Variants in ASCC3 observed in about 807,000 individuals in gnomAD.
ASCC3 encodes activating signal cointegrator 1 complex subunit 3.
A neutral mutation model predicts 256.3 loss-of-function variants in ASCC3; 158 were observed. That is an observed-to-expected ratio of 0.62 (90% CI 0.54 to 0.70). ASCC3 has a LOEUF of 0.70. ASCC3 is among the 30% of genes least tolerant of loss of function. The probability of loss-of-function intolerance (pLI) is 0.00; values close to 1 mark genes in which losing one functional copy is unlikely to be tolerated. For missense variants in ASCC3, 2,259 were observed against 2,626.0 expected (o/e 0.86, Z 3.05); for synonymous variants, 948 against 883.4 (o/e 1.07, Z -1.30).
intron 30 of ASCC3, among the ~76,000 whole-genome samples, chr6:100,624,772 T>C (rs1358014860): frequency 6.6e-6 from 1 of 152,000 alleles, no homozygotes; most frequent in Non-Finnish European, 1.5e-5. Context: ...AAAATTCTAA[T>C]TTAAAATTTT....
chr6:100,557,485 A>G (rs1769657971), intron 36 of ASCC3, among the ~76,000 whole-genome samples: 2 of 152,150 alleles, frequency 1.3e-5, no homozygotes, highest in African/African-American at 4.8e-5. Flanking sequence ...ACTCATTATA[A>G]TAAAACGTTT....
intron 10 of ASCC3, among the ~76,000 whole-genome samples, chr6:100,761,994 C>T (rs1237558281): frequency 1.3e-5 from 2 of 152,074 alleles, no homozygotes; most frequent in African/African-American, 4.8e-5. Context: ...TAGATCAGAG[C>T]AGTGTGACAT....
At chr6:100,700,447 TG>T (rs992514971) in intron 13 of ASCC3, among the ~76,000 whole-genome samples, 21 of 152,162 alleles carry the variant, frequency 1.4e-4, no homozygotes, top group African/African-American at 5.1e-4. Context: ...GAGTCCCTAC[TG>T]GGGCACCACC....
intron 11 of ASCC3, among the ~76,000 whole-genome samples, chr6:100,724,838 G>A (rs552649566): frequency 3.3e-5 from 5 of 151,974 alleles, no homozygotes; most frequent in Non-Finnish European, 7.4e-5. Flanking sequence ...GGACACAGAC[G>A]AAAAGCTGCT....
At chr6:100,764,431 G>A (rs1369079872) in intron 10 of ASCC3, among the ~76,000 whole-genome samples, 1 of 152,142 alleles carries the variant, frequency 6.6e-6, no homozygotes, top group East Asian at 1.9e-4. Flanking sequence ...TATTATTTGA[G>A]CAATGCTATT....
intron 4 of ASCC3, among the ~76,000 whole-genome samples, chr6:100,833,184 TAAGAA>T (rs2114463700): frequency 6.6e-6 from 1 of 152,114 alleles, no homozygotes; most frequent in African/African-American, 2.4e-5. Context: ...TGCGTAATGC[TAAGAA>T]AAGAAACCAA....
intron 13 of ASCC3, among the ~76,000 whole-genome samples, chr6:100,686,970 A>T (rs540163068): frequency 7.6e-4 from 114 of 150,904 alleles, no homozygotes; most frequent in South Asian, 8.3e-4. Context: ...TACTTTTGGT[A>T]TCTCTTCAAT....
intron 2 of ASCC3, among the ~76,000 whole-genome samples, chr6:100,866,469 T>C (rs1419729996): frequency 6.6e-6 from 1 of 152,226 alleles, no homozygotes; most frequent in Non-Finnish European, 1.5e-5. Flanking sequence ...CATCTACTAA[T>C]TGATCAGAAT....
At position 100,550,913 on chromosome 6, in the gene ASCC3, TTTTCTAAGTTTAATAAG is replaced by T. The variant is rs1012977913; in HGVS notation, c.5551-10543_5551-10527del. On this transcript the variant is annotated intron_variant, in intron 36 of 41. Coordinates refer to ENST00000369162, the MANE Select transcript of ASCC3 (RefSeq NM_006828.4). ...AAAGAATGCTCTGCAGTAGAGATAT[TTTTCTAAGTTTAATAAG>T]TTTCTAAGTTTAATAAGTTTCATAA... is the stretch of plus-strand genomic sequence containing the variant. Among the ~76,000 whole-genome samples, 13 of 151,942 alleles carry T rather than the reference TTTTCTAAGTTTAATAAG, an allele frequency of 8.6e-5. No homozygotes were observed. In the East Asian group the frequency reaches 1.2e-3, roughly 13 times the overall value.
intron 30 of ASCC3, among the ~76,000 whole-genome samples, chr6:100,613,765 T>C (rs1048650400): frequency 6.6e-6 from 1 of 152,168 alleles, no homozygotes; most frequent in Non-Finnish European, 1.5e-5. Flanking sequence ...CTATTTTCCA[T>C]AGAGGTTGTT....
At chr6:100,566,609 G>A (rs1770263600) in intron 36 of ASCC3, among the ~76,000 whole-genome samples, 1 of 152,042 alleles carries the variant, frequency 6.6e-6, no homozygotes. Flanking sequence ...TATTACAATG[G>A]ATAAATTGTC....
chr6:100,842,701 T>A (rs1182819104), intron 4 of ASCC3, among the ~76,000 whole-genome samples: 1 of 152,210 alleles, frequency 6.6e-6, no homozygotes, highest in Non-Finnish European at 1.5e-5. Context: ...CTGGGTGCAG[T>A]GGCTCATGCC....
At chr6:100,604,040 C>T (rs946044699) in intron 33 of ASCC3, among the ~76,000 whole-genome samples, 8 of 151,980 alleles carry the variant, frequency 5.3e-5, no homozygotes, top group Admixed American at 3.9e-4. Flanking sequence ...GAAGAATTCA[C>T]CATTGAAGCT....
intron 10 of ASCC3, among the ~76,000 whole-genome samples, chr6:100,748,830 G>A (rs1780803671): frequency 6.6e-6 from 1 of 151,934 alleles, no homozygotes; most frequent in Admixed American, 6.6e-5. Context: ...TCTACCTGGA[G>A]CGCCAAGAAG....
chr6:100,523,382 T>C (rs1774402489), intron 37 of ASCC3, among the ~76,000 whole-genome samples: 1 of 152,142 alleles, frequency 6.6e-6, no homozygotes. Context: ...AGGTGGACTG[T>C]AATATCCTTG....
chr6:100,727,921 G>A (rs1779716576), intron 10 of ASCC3, among the ~76,000 whole-genome samples: 1 of 152,034 alleles, frequency 6.6e-6, no homozygotes, highest in African/African-American at 2.4e-5. Flanking sequence ...TTACACATTT[G>A]CCAAAACACA....
chr6:100,795,239 C>A (rs1214823244), intron 8 of ASCC3, among the ~76,000 whole-genome samples: 2 of 151,130 alleles, frequency 1.3e-5, no homozygotes, highest in African/African-American at 4.9e-5. Flanking sequence ...TATGGGGAAA[C>A]GGTCATGTTT....
In ASCC3 at chr6:100,642,634, C is replaced by T. The variant is rs1205033709; in HGVS notation, c.3848G>A (p.Cys1283Tyr). 3 of 1,613,852 alleles carry T rather than the reference C, an allele frequency of 1.9e-6. No homozygotes were observed. Among genetic ancestry groups the T allele is most frequent in the Non-Finnish European group, 2.5e-6 (3 of 1,179,916 alleles). ...SDRWLGAEAVCIINFQHLILP... is the reference protein window; with the variant it reads ...SDRWLGAEAVYIINFQHLILP... ...AATTAGATGTTGAAAGTTGATAATA[C>T]ATACTGCCTCAGCACCCAACCATCT... Residue 1283 changes from cysteine to tyrosine, a missense_variant, in exon 24 of 42, where the codon TGT (cysteine) becomes TAT (tyrosine). This residue lies in a region of ASCC3 where 1,839 missense variants were observed against 2,206.7 expected (regional missense o/e 0.83). Transcript: ENST00000369162.
At chr6:100,760,761 C>CA (rs1236114851) in intron 10 of ASCC3, among the ~76,000 whole-genome samples, 1 of 151,890 alleles carries the variant, frequency 6.6e-6, no homozygotes, top group South Asian at 2.1e-4. Context: ...AAACATAGAC[C>CA]AAAAAAATCA....
Sources: allele counts gnomAD v4.1 joint callset (sites outside exome capture counted in the v4.1 genomes callset), GRCh38; gene constraint gnomAD v4.1.1; regional missense constraint gnomAD v4.1.1; transcripts MANE v1.5; gene names NCBI Gene and HGNC (gene_info 2026-07-23, HGNC 2026-07-21).